The following ARIH1 variants were observed in gnomAD, a reference collection of about 807,000 sequenced individuals.
ARIH1 encodes the protein ariadne RBR E3 ubiquitin protein ligase 1, also known as E3 ubiquitin-protein ligase ARIH1.
A neutral mutation model predicts 85.0 loss-of-function variants in ARIH1; 8 were observed. The ratio of observed to expected loss-of-function variants is 0.09; its 90% CI spans 0.06 to 0.17. The LOEUF (loss-of-function observed/expected upper bound fraction) is 0.17, where lower values mean the gene tolerates loss of function less well. Ranked by LOEUF, ARIH1 falls within the 10% of genes least tolerant of loss-of-function variation. The pLI, the probability that ARIH1 is intolerant of heterozygous loss-of-function variation, is 1.00. For missense variants in ARIH1, 311 were observed against 718.1 expected (o/e 0.43, Z 6.48); for synonymous variants, 238 against 253.6 (o/e 0.94, Z 0.59).
Position 72,581,030 on chromosome 15 carries a change from A to G in ARIH1, c.1476+39A>G, listed in dbSNP as rs759892942. ...TGGGTGAGGAAAAAGCCCACCTTGT[A>G]TCATAGGTCTACCTGATCTTTCATA... is the stretch of plus-strand genomic sequence containing the variant. On this transcript the variant is annotated intron_variant, in intron 12 of 13. Transcript: ENST00000379887. The G allele has an allele frequency of 4.0e-5, 64 of 1,587,948 alleles. No homozygotes were observed. The South Asian group carries it at 6.2e-4, about 15-fold the overall frequency.
intron 1 of ARIH1, among the ~76,000 whole-genome samples, chr15:72,479,146 A>G (rs1376012302): frequency 6.6e-6 from 1 of 152,140 alleles, no homozygotes; most frequent in Non-Finnish European, 1.5e-5. Context: ...CACCGTTGTG[A>G]TGCTCAAAGG....
Position 72,588,844 on chromosome 15 carries a change from T to C in ARIH1, c.*5552T>C, listed in dbSNP as rs1407337447. Reference sequence around the variant, plus strand: ...ACATTCTCTTACCAAGGGGGAGAAATCTATCTAGGGAAAATAATACAGAGT... The same window carrying C: ...ACATTCTCTTACCAAGGGGGAGAAACCTATCTAGGGAAAATAATACAGAGT... On this transcript the variant is annotated 3_prime_UTR_variant, in exon 14 of 14. Transcript: ENST00000379887. The C allele has an allele frequency of 1.3e-5, 2 of 152,172 alleles. No individual in the cohort carries two copies. The highest frequency in any genetic ancestry group is 3.8e-4 in the East Asian group (2 of 5,202). The allele number at this position is 152,172 out of a possible 1,614,324, so 9.4% of individuals were successfully genotyped here.
rs2064297079 is a variant in ARIH1 at position 72,582,005 on chromosome 15, C to T, written c.1477-70C>T. Reference sequence around the variant, plus strand: ...AGTGTTGAGAGCAGTCTGTAGTCAACAAAACAGTGAAAATGGTTTATCTTT... The same window carrying T: ...AGTGTTGAGAGCAGTCTGTAGTCAATAAAACAGTGAAAATGGTTTATCTTT... On this transcript the variant is annotated intron_variant, in intron 12 of 13. Transcript: ENST00000379887. The surrounding 1 kb of genome is among the most constrained non-coding windows in gnomAD (Gnocchi z 4.6). 31 of 1,105,810 alleles carry T rather than the reference C, an allele frequency of 2.8e-5. 1 individual carries two copies. In the South Asian group the frequency reaches 4.3e-4, roughly 15 times the overall value. 68.5% of individuals were successfully genotyped at this position (1,105,810 alleles called of 1,614,324 possible).
At chr15:72,480,159 G>A (rs894237823) in intron 1 of ARIH1, among the ~76,000 whole-genome samples, 23 of 152,030 alleles carry the variant, frequency 1.5e-4, no homozygotes, top group African/African-American at 4.8e-4. Flanking sequence ...ATGAGCCACC[G>A]TGCCCGGTCA....
chr15:72,513,792 CCT>C (rs1467196063), intron 1 of ARIH1, among the ~76,000 whole-genome samples: 1 of 8,788 alleles, frequency 1.1e-4, no homozygotes, highest in Non-Finnish European at 6.4e-4. Context: ...CCTCCCTCCC[CCT>C]CTCCCTCCTT....
chr15:72,531,250 C>T (rs1230073466), intron 2 of ARIH1, among the ~76,000 whole-genome samples: 2 of 150,936 alleles, frequency 1.3e-5, no homozygotes, highest in Admixed American at 1.3e-4. Flanking sequence ...AAAAGAAATC[C>T]ACATTTTTAT....
intron 1 of ARIH1, chr15:72,496,938 T>G: frequency 1.4e-6 from 1 of 699,810 alleles, no homozygotes; most frequent in Non-Finnish European, 1.8e-6. Context: ...TGGCAACCAG[T>G]ACCTCATTAT....
At chr15:72,566,183 A>G (rs1166167752) in intron 7 of ARIH1, among the ~76,000 whole-genome samples, 1 of 152,210 alleles carries the variant, frequency 6.6e-6, no homozygotes, top group Non-Finnish European at 1.5e-5. Flanking sequence ...TAAATTATAT[A>G]AGTAACCTAC....
chr15:72,551,168 G>A (rs377729762), intron 3 of ARIH1, among the ~76,000 whole-genome samples: 2 of 152,104 alleles, frequency 1.3e-5, no homozygotes, highest in East Asian at 1.9e-4. Flanking sequence ...TAAGAGCCAC[G>A]AAAGGAAAGA....
chr15:72,493,956 A>G (rs887500224), intron 1 of ARIH1, among the ~76,000 whole-genome samples: 19 of 152,324 alleles, frequency 1.2e-4, no homozygotes, highest in South Asian at 4.1e-4. Flanking sequence ...AAAAAAACAT[A>G]TATATCTGCC....
In ARIH1 at chr15:72,572,809, T is replaced by A. The variant is rs113120616; in HGVS notation, c.1215+644T>A. 9.2e-5 allele frequency among the ~76,000 whole-genome samples: 14 copies of A among 152,336 alleles called. No homozygotes were observed. The South Asian group carries it at 2.1e-3, about 23-fold the overall frequency. On this transcript the variant is annotated intron_variant, in intron 11 of 13. Transcript: ENST00000379887. ...ATATCTTACTTACTTAAATTTTTTTTAAACCTTTTTGTTCATCAAGAAGCG... is the reference window on the plus strand; with the variant it reads ...ATATCTTACTTACTTAAATTTTTTTAAAACCTTTTTGTTCATCAAGAAGCG...
intron 3 of ARIH1, among the ~76,000 whole-genome samples, chr15:72,549,924 C>G (rs1273850565): frequency 6.6e-6 from 1 of 152,004 alleles, no homozygotes; most frequent in Non-Finnish European, 1.5e-5. Context: ...AGGGGAAAGC[C>G]CAGGGAGCCA....
At chr15:72,504,637 C>G (rs1210613027) in intron 1 of ARIH1, among the ~76,000 whole-genome samples, 2 of 152,074 alleles carry the variant, frequency 1.3e-5, no homozygotes, top group Non-Finnish European at 2.9e-5. Flanking sequence ...GGTTGGCCAT[C>G]AGTAGTTTTG....
At chr15:72,563,020 G>A (rs1470624019) in intron 6 of ARIH1, among the ~76,000 whole-genome samples, 2 of 151,988 alleles carry the variant, frequency 1.3e-5, no homozygotes, top group Admixed American at 1.3e-4. Flanking sequence ...ATAGCTTGAT[G>A]TACTAGGAAA....
intron 1 of ARIH1, among the ~76,000 whole-genome samples, chr15:72,477,701 G>A (rs553814525): frequency 6.6e-6 from 1 of 152,040 alleles, no homozygotes; most frequent in Non-Finnish European, 1.5e-5. Flanking sequence ...TTAAATAAAA[G>A]ACCAAATTAA....
At position 72,593,775 on chromosome 15, in the gene ARIH1, G is replaced by C. The variant is rs1038548612; in HGVS notation, c.*10483G>C. On this transcript the variant is annotated 3_prime_UTR_variant, in exon 14 of 14. Coordinates refer to ENST00000379887, the MANE Select transcript of ARIH1 (RefSeq NM_005744.5). ...TTTGTTATTTTTCAAGATCGCTTTG[G>C]TTATTGTCGATTCTTTGGATTGTCA... 1 of 151,794 alleles carries C rather than the reference G, an allele frequency of 6.6e-6. No individual in the cohort carries two copies. Among genetic ancestry groups the C allele is most frequent in the Admixed American group, 6.6e-5 (1 of 15,246 alleles). The allele number at this position is 151,794 out of a possible 1,614,324, so 9.4% of individuals were successfully genotyped here.
At chr15:72,533,764 A>C (rs921388169) in intron 2 of ARIH1, among the ~76,000 whole-genome samples, 2 of 152,058 alleles carry the variant, frequency 1.3e-5, no homozygotes, top group African/African-American at 2.4e-5. Flanking sequence ...ACAATTAGCT[A>C]TGCATGGTGG....
At position 72,582,033 on chromosome 15, in the gene ARIH1, G is replaced by C. The variant is rs2064297193; in HGVS notation, c.1477-42G>C. 1 of 1,377,464 alleles carries C rather than the reference G, an allele frequency of 7.3e-7. No homozygotes were observed. The highest frequency in any genetic ancestry group is 1.0e-6 in the Non-Finnish European group (1 of 973,084). 85.3% of individuals were successfully genotyped at this position (1,377,464 alleles called of 1,614,324 possible). A position where few individuals can be genotyped will look rare whatever the true frequency, so the allele number is the denominator to read the frequency against. The stretch of plus-strand genomic sequence containing the variant: ...AACAGTGAAAATGGTTTATCTTTTA[G>C]CTTTATTTTGAAGCCAAAATTTACT... On this transcript the variant is annotated intron_variant, in intron 12 of 13. Coordinates refer to ENST00000379887, the MANE Select transcript of ARIH1 (RefSeq NM_005744.5). The surrounding 1 kb of genome is among the most constrained non-coding windows in gnomAD (Gnocchi z 4.6).
intron 3 of ARIH1, among the ~76,000 whole-genome samples, chr15:72,551,849 A>G (rs1000693227): frequency 6.6e-6 from 1 of 152,230 alleles, no homozygotes; most frequent in Non-Finnish European, 1.5e-5. Context: ...AGAAAAAGAA[A>G]TATACAGTGT....
Sources: gnomAD v4.1 joint callset for allele counts (sites outside exome capture counted in the v4.1 genomes callset) on GRCh38, gnomAD v4.1.1 for gene constraint, Gnocchi (gnomAD v3.1) non-coding constraint, MANE v1.5 for transcripts, NCBI Gene and HGNC (gene_info 2026-07-23, HGNC 2026-07-21) for gene names.